HPGDS: variants seen among roughly 807,000 people sequenced by gnomAD.
HPGDS encodes hematopoietic prostaglandin D synthase.
In HPGDS, 26 loss-of-function variants were observed where a neutral mutation model predicts 23.1. The ratio of observed to expected loss-of-function variants is 1.13; its 90% CI spans 0.83 to 1.56. The LOEUF (loss-of-function observed/expected upper bound fraction) is 1.56. Among genes scored for constraint, HPGDS ranks in the 40% most tolerant of loss-of-function variants. HPGDS has a pLI of 0.00. For missense variants in HPGDS, 268 were observed against 236.4 expected (o/e 1.13, Z -0.88); for synonymous variants, 95 against 77.9 (o/e 1.22, Z -1.16).
intron 3 of HPGDS, among the ~76,000 whole-genome samples, chr4:94,315,874 T>G (rs1398541013): frequency 6.6e-6 from 1 of 152,180 alleles, no homozygotes; most frequent in Non-Finnish European, 1.5e-5. Flanking sequence ...AGCTAAAAAT[T>G]TATGGAGGTG....
intron 4 of HPGDS, among the ~76,000 whole-genome samples, chr4:94,305,408 C>G: frequency 6.6e-6 from 1 of 152,042 alleles, no homozygotes; most frequent in East Asian, 1.9e-4. Flanking sequence ...ACATTTATAT[C>G]ATGGAGTTAG....
At position 94,302,054 on chromosome 4, in the gene HPGDS, C is replaced by T. The variant is rs566876149; in HGVS notation, c.435+92G>A. The stretch of plus-strand genomic sequence containing the variant: ...TTCTTGCTGTAAATTCTATCCCCTC[C>T]CTATAGGTAACTTTTTTTCAGTAAG... On this transcript the variant is annotated intron_variant, in intron 5 of 5. Coordinates refer to ENST00000295256, the MANE Select transcript of HPGDS (RefSeq NM_014485.3). The T allele has an allele frequency of 4.1e-6, 3 of 726,142 alleles. No homozygotes were observed. The East Asian group carries it at 8.2e-5, about 20-fold the overall frequency. The allele number at this position is 726,142 out of a possible 1,614,324, so 45.0% of individuals were successfully genotyped here. A position where few individuals can be genotyped will look rare whatever the true frequency, so the allele number is the denominator to read the frequency against.
At chr4:94,311,732 T>C (rs983956472) in intron 3 of HPGDS, among the ~76,000 whole-genome samples, 4 of 151,416 alleles carry the variant, frequency 2.6e-5, no homozygotes, top group Non-Finnish European at 4.4e-5. Flanking sequence ...CCTCCTTGTA[T>C]CTCTGGTAGA....
intron 3 of HPGDS, among the ~76,000 whole-genome samples, chr4:94,313,806 G>A (rs916348069): frequency 1.4e-4 from 22 of 152,082 alleles, no homozygotes; most frequent in Non-Finnish European, 3.2e-4. Context: ...TTTTCACATA[G>A]TCCCATATTT....
At chr4:94,339,413 G>C (rs1334856388) in intron 1 of HPGDS, among the ~76,000 whole-genome samples, 2 of 152,146 alleles carry the variant, frequency 1.3e-5, no homozygotes, top group African/African-American at 2.4e-5. Flanking sequence ...ACACCCCAAA[G>C]TATATCGTGT....
intron 1 of HPGDS, among the ~76,000 whole-genome samples, chr4:94,339,642 C>T (rs1721094808): frequency 6.6e-6 from 1 of 152,076 alleles, no homozygotes; most frequent in Admixed American, 6.5e-5. Context: ...TGGGAAATAA[C>T]AGTGTTTTTA....
intron 2 of HPGDS, among the ~76,000 whole-genome samples, chr4:94,325,605 TCTC>T (rs1292580307): frequency 6.6e-6 from 1 of 152,140 alleles, no homozygotes; most frequent in East Asian, 1.9e-4. Flanking sequence ...TGGGATATAA[TCTC>T]CTGTTGTGCC....
chr4:94,338,451 A>G (rs368019884), intron 1 of HPGDS, among the ~76,000 whole-genome samples: 3 of 152,300 alleles, frequency 2.0e-5, no homozygotes, highest in East Asian at 3.9e-4. Context: ...ATTATCATGA[A>G]ACATACTATC....
At chr4:94,323,407 G>C (rs1756557840) in intron 2 of HPGDS, among the ~76,000 whole-genome samples, 1 of 152,150 alleles carries the variant, frequency 6.6e-6, no homozygotes, top group Admixed American at 6.5e-5. Flanking sequence ...AAGTCTCTTT[G>C]TAGGTCTCTA....
chr4:94,340,299 T>TCTTTCTTTCTC (rs1721117885), intron 1 of HPGDS, among the ~76,000 whole-genome samples: 1 of 74,938 alleles, frequency 1.3e-5, no homozygotes, highest in Admixed American at 1.8e-4. Context: ...CTTTCTTTCT[T>TCTTTCTTTCTC]TCTTTCTTTC....
At chr4:94,324,448 T>G (rs1337729488) in intron 2 of HPGDS, among the ~76,000 whole-genome samples, 1 of 152,182 alleles carries the variant, frequency 6.6e-6, no homozygotes, top group Non-Finnish European at 1.5e-5. Context: ...TTGGAGACTT[T>G]GTTCATTTCT....
intron 2 of HPGDS, among the ~76,000 whole-genome samples, chr4:94,323,286 T>G (rs185366373): frequency 6.6e-6 from 1 of 152,322 alleles, no homozygotes; most frequent in African/African-American, 2.4e-5. Context: ...GGTCTGCTTG[T>G]GCAGAGCTGG....
intron 2 of HPGDS, among the ~76,000 whole-genome samples, chr4:94,329,495 T>C (rs1294251346): frequency 6.6e-6 from 1 of 152,152 alleles, no homozygotes; most frequent in Admixed American, 6.5e-5. Context: ...CTGGAGGAGA[T>C]AAAACTAGCT....
At chr4:94,324,788 G>C (rs1386022209) in intron 2 of HPGDS, among the ~76,000 whole-genome samples, 1 of 152,210 alleles carries the variant, frequency 6.6e-6, no homozygotes, top group East Asian at 1.9e-4. Context: ...TCTCCATCCA[G>C]CTTGTTCCAT....
At chr4:94,320,995 C>T (rs1207482794) in intron 2 of HPGDS, among the ~76,000 whole-genome samples, 7 of 152,152 alleles carry the variant, frequency 4.6e-5, no homozygotes, top group Non-Finnish European at 8.8e-5. Flanking sequence ...AGCCAGTTTT[C>T]CCAGCACCAT....
rs772691900 is a variant in HPGDS, at chr4:94,299,475, A to G, written c.*5T>C. The G allele has an allele frequency of 1.9e-6, 3 of 1,604,298 alleles. No homozygotes were observed. Among genetic ancestry groups the G allele is most frequent in the African/African-American group, 1.3e-5 (1 of 74,492 alleles). ...AAAAACAAACTTGAAGGCAACATGG[A>G]TCAGCTAGAGTTTGGTTTGGGGCCT... On this transcript the variant is annotated 3_prime_UTR_variant, in exon 6 of 6. Coordinates refer to ENST00000295256, the MANE Select transcript of HPGDS (RefSeq NM_014485.3).
At chr4:94,328,323 A>G (rs1233766313) in intron 2 of HPGDS, among the ~76,000 whole-genome samples, 1 of 152,134 alleles carries the variant, frequency 6.6e-6, no homozygotes, top group Non-Finnish European at 1.5e-5. Context: ...CTTTGAGGAG[A>G]TGAGTGTCAG....
At chr4:94,320,942 A>C (rs1019926377) in intron 2 of HPGDS, among the ~76,000 whole-genome samples, 1 of 152,146 alleles carries the variant, frequency 6.6e-6, no homozygotes, top group African/African-American at 2.4e-5. Flanking sequence ...TTTTTGTATA[A>C]GGTGTAAGGA....
At chr4:94,302,401 AG>A (rs1378384983) in intron 4 of HPGDS, among the ~76,000 whole-genome samples, 157 bp from the exon 5 acceptor site, 3 of 152,174 alleles carry the variant, frequency 2.0e-5, no homozygotes, top group African/African-American at 7.2e-5. Flanking sequence ...ATGGAGATTT[AG>A]GTCTGATTCT....
Sources: allele counts gnomAD v4.1 joint callset (sites outside exome capture counted in the v4.1 genomes callset), GRCh38; gene constraint gnomAD v4.1.1; transcripts MANE v1.5; gene names NCBI Gene and HGNC (gene_info 2026-07-23, HGNC 2026-07-21).